The following ANO10 variants were observed in gnomAD, a reference collection of about 807,000 sequenced individuals.
ANO10 encodes anoctamin-10.
A neutral mutation model predicts 74.7 loss-of-function variants in ANO10; 77 were observed. The observed-to-expected ratio is 1.03, with a 90% confidence interval of 0.86 to 1.25. The LOEUF is 1.25. ANO10 is among the 50% of genes most tolerant of loss of function. ANO10 has a pLI of 0.00. For synonymous variants in ANO10, 279 were observed against 284.9 expected (o/e 0.98, Z 0.21); for missense variants, 721 against 778.1 (o/e 0.93, Z 0.87).
intron 12 of ANO10, among the ~76,000 whole-genome samples, chr3:43,371,880 G>C (rs2091624346): frequency 6.6e-6 from 1 of 152,142 alleles, no homozygotes; most frequent in Non-Finnish European, 1.5e-5. Flanking sequence ...CTATTGAAAA[G>C]TTTACCTCAG....
At chr3:43,533,005 C>T (rs1194022658) in intron 11 of ANO10, among the ~76,000 whole-genome samples, 1 of 152,144 alleles carries the variant, frequency 6.6e-6, no homozygotes, top group Non-Finnish European at 1.5e-5. Context: ...GACCTAAATC[C>T]AGGAGAAGCT....
Position 43,530,967 on chromosome 3 carries a change from C to A in ANO10, c.1797+18753G>T, listed in dbSNP as rs1330738125. 3.3e-5 allele frequency among the ~76,000 whole-genome samples: 5 copies of A among 152,164 alleles called. No homozygotes were observed. The East Asian group carries it at 9.6e-4, about 29-fold the overall frequency. On this transcript the variant is annotated intron_variant, in intron 11 of 12. Transcript: ENST00000292246. ...TCTCCTTGGGCACACACAGAATATT[C>A]AAAAACCTAATCCTATGTTAGGTCA... is the stretch of plus-strand genomic sequence containing the variant.
chr3:43,411,087 A>T (rs1338815950), intron 12 of ANO10, among the ~76,000 whole-genome samples: 3 of 150,600 alleles, frequency 2.0e-5, no homozygotes, highest in Non-Finnish European at 2.9e-5. Context: ...AAACCAAATT[A>T]TTACCTCCAT....
At chr3:43,429,557 A>G (rs1488703995) in intron 12 of ANO10, among the ~76,000 whole-genome samples, 1 of 152,148 alleles carries the variant, frequency 6.6e-6, no homozygotes, top group African/African-American at 2.4e-5. Flanking sequence ...AATCTGATTA[A>G]CTAAAACTCT....
chr3:43,466,524 G>C (rs2075634935), intron 11 of ANO10, among the ~76,000 whole-genome samples: 1 of 152,010 alleles, frequency 6.6e-6, no homozygotes, highest in African/African-American at 2.4e-5. Context: ...AGAAAAAAGG[G>C]TCTTTTAAAC....
chr3:43,639,427 C>T (rs969292365), intron 1 of ANO10, among the ~76,000 whole-genome samples: 3 of 152,100 alleles, frequency 2.0e-5, no homozygotes, highest in Non-Finnish European at 4.4e-5. Context: ...GATCCAAATG[C>T]CACACAACTA....
At chr3:43,684,702 C>A (rs1314920886) in intron 1 of ANO10, among the ~76,000 whole-genome samples, 1 of 152,046 alleles carries the variant, frequency 6.6e-6, no homozygotes, top group Non-Finnish European at 1.5e-5. Context: ...CAATGATAGA[C>A]TGGATTAAGA....
intron 7 of ANO10, among the ~76,000 whole-genome samples, chr3:43,568,850 G>C (rs2080525540): frequency 6.7e-6 from 1 of 148,992 alleles, no homozygotes; most frequent in Non-Finnish European, 1.5e-5. Flanking sequence ...CAGAACTGAA[G>C]GAGATAGAGA....
chr3:43,489,463 C>G (rs2076634075), intron 11 of ANO10, among the ~76,000 whole-genome samples: 1 of 152,120 alleles, frequency 6.6e-6, no homozygotes, highest in Non-Finnish European at 1.5e-5. Context: ...TTCCCATGTA[C>G]ACGTTAAATA....
intron 12 of ANO10, among the ~76,000 whole-genome samples, chr3:43,414,967 C>CAT (rs1181572896): frequency 4.5e-5 from 3 of 66,594 alleles, no homozygotes; most frequent in African/African-American, 1.3e-4. Context: ...TGTCATTGTG[C>CAT]TTTTTTTTTT....
chr3:43,622,864 C>T (rs1157233474), upstream of ANO10, among the ~76,000 whole-genome samples: 1 of 152,126 alleles, frequency 6.6e-6, no homozygotes, highest in Non-Finnish European at 1.5e-5. Context: ...CACTTTTTGA[C>T]TTTTTGTTGT....
At chr3:43,664,977 C>T (rs1189665487) in intron 1 of ANO10, among the ~76,000 whole-genome samples, 4 of 152,066 alleles carry the variant, frequency 2.6e-5, no homozygotes, top group Non-Finnish European at 4.4e-5. Context: ...CAATTCCTCA[C>T]GGATCTAAAA....
At chr3:43,398,604 C>T (rs1449866190) in intron 12 of ANO10, among the ~76,000 whole-genome samples, 2 of 152,172 alleles carry the variant, frequency 1.3e-5, no homozygotes, top group Non-Finnish European at 2.9e-5. Flanking sequence ...CACACATGGG[C>T]CAGTAACTGC....
At chr3:43,523,133 C>T (rs1274781231) in intron 11 of ANO10, among the ~76,000 whole-genome samples, 1 of 152,100 alleles carries the variant, frequency 6.6e-6, no homozygotes, top group Non-Finnish European at 1.5e-5. Context: ...GTCTTTCAGG[C>T]AAACCAATAT....
chr3:43,388,097 T>C (rs902850247), intron 12 of ANO10, among the ~76,000 whole-genome samples: 1 of 152,162 alleles, frequency 6.6e-6, no homozygotes, highest in African/African-American at 2.4e-5. Flanking sequence ...CTCTAGGTTT[T>C]TGAGAGCAAA....
At position 43,690,929 on chromosome 3, in the gene ANO10, G is replaced by A. The variant is rs564192984; in HGVS notation, c.-12+588C>T. ...CCGCCTTAAGTGCCGCGCCAGCCCG[G>A]GGCGGCCCAGTCGGCCTGTCAGCCG... On this transcript the variant is annotated intron_variant, in intron 1 of 3. Coordinates refer to the ANO10 transcript ENST00000413397. The A allele has an allele frequency of 5.1e-5, 78 of 1,520,492 alleles. No individual in the cohort carries two copies. The Admixed American group carries it at 6.3e-4, about 12-fold the overall frequency. 94.2% of individuals were successfully genotyped at this position (1,520,492 alleles called of 1,614,324 possible).
chr3:43,420,432 A>G (rs531733648), intron 12 of ANO10, among the ~76,000 whole-genome samples: 1 of 152,246 alleles, frequency 6.6e-6, no homozygotes, highest in East Asian at 1.9e-4. Context: ...CAGCCTGGGC[A>G]ACAGAGCCAG....
chr3:43,553,634 C>T (rs2079594668), intron 10 of ANO10, among the ~76,000 whole-genome samples: 1 of 151,370 alleles, frequency 6.6e-6, no homozygotes, highest in Non-Finnish European at 1.5e-5. Flanking sequence ...CTCCCAGGTT[C>T]AAGTGATTCT....
intron 11 of ANO10, among the ~76,000 whole-genome samples, chr3:43,442,165 G>C (rs531486714): frequency 6.6e-6 from 1 of 151,880 alleles, no homozygotes; most frequent in South Asian, 2.1e-4. Flanking sequence ...TTAATTGCCA[G>C]AGCAATTAAG....
Sources: allele counts gnomAD v4.1 joint callset (sites outside exome capture counted in the v4.1 genomes callset), GRCh38; gene constraint gnomAD v4.1.1; transcripts MANE v1.5; gene names NCBI Gene and HGNC (gene_info 2026-07-23, HGNC 2026-07-21).